Variants in NSD1 observed in about 807,000 individuals in gnomAD.
NSD1 encodes the protein histone-lysine N-methyltransferase, H3 lysine-36 specific.
Under a neutral mutation model 242.7 loss-of-function variants are expected in NSD1, and 26 were observed. The observed-to-expected ratio is 0.11, with a 90% CI of 0.08 to 0.15. The LOEUF (loss-of-function observed/expected upper bound fraction) is 0.15, where lower values mean the gene tolerates loss of function less well. Ranked by LOEUF, NSD1 falls within the 10% of genes least tolerant of loss-of-function variation. The probability of loss-of-function intolerance (pLI) is 1.00; values close to 1 mark genes in which losing one functional copy is unlikely to be tolerated. For synonymous variants in NSD1, 1,106 were observed against 1,178.1 expected (o/e 0.94, Z 1.25); for missense variants, 2,495 against 3,272.8 (o/e 0.76, Z 5.80).
rs190086827 is a variant in NSD1 at position 177,299,497 on chromosome 5, G to T, written c.*4038G>T. On this transcript the variant is annotated 3_prime_UTR_variant, in exon 23 of 23. Coordinates refer to ENST00000439151, the MANE Select transcript of NSD1 (RefSeq NM_022455.5). ...CTGGAGCAGGTTGTTAGAGAGCTCTGGTTGTTGGGTCTTCCTCAGCTCCCT... is the reference window on the plus strand; with the variant it reads ...CTGGAGCAGGTTGTTAGAGAGCTCTTGTTGTTGGGTCTTCCTCAGCTCCCT... 2.1e-5 allele frequency: 5 copies of T among 233,322 alleles called. No individual in the cohort carries two copies. The Admixed American group carries it at 2.8e-4, about 13-fold the overall frequency. The allele number at this position is 233,322 out of a possible 1,614,324, so 14.5% of individuals were successfully genotyped here. A position where few individuals can be genotyped will look rare whatever the true frequency, so the allele number is the denominator to read the frequency against.
rs1756062732 is a variant in NSD1 at position 177,133,959 on chromosome 5, A to C, written c.-18+7A>C. On this transcript the variant is annotated splice_region_variant and intron_variant, in intron 1 of 22. Transcript: ENST00000439151. This position sits in a 1 kb window ranked among gnomAD's most constrained non-coding sequence, Gnocchi z 6.2. The stretch of plus-strand genomic sequence containing the variant: ...GGAGGGGGCGCGGGGCACGGTAACT[A>C]GTGCGCTGGGGTGGGCGGCGGGCAG... 1 of 134,108 alleles carries C rather than the reference A, an allele frequency of 7.5e-6. No homozygotes were observed. Among genetic ancestry groups the C allele is most frequent in the African/African-American group, 3.0e-5 (1 of 33,432 alleles). 8.3% of individuals were successfully genotyped at this position (134,108 alleles called of 1,614,324 possible).
chr5:177,159,030 GATATAT>G (rs35942745), intron 2 of NSD1, among the ~76,000 whole-genome samples: 4 of 113,874 alleles, frequency 3.5e-5, no homozygotes, highest in East Asian at 2.1e-4. Flanking sequence ...ATATATGAAT[GATATAT>G]ATATATATAT....
At chr5:177,220,563 C>CTT (rs869220346) in intron 5 of NSD1, among the ~76,000 whole-genome samples, 903 of 84,410 alleles carry the variant, frequency 0.011, 36 homozygotes, top group East Asian at 0.042. Flanking sequence ...ATAGTAATTG[C>CTT]TTTTTTTTTT....
At chr5:177,222,113 C>T (rs1764285702) in intron 5 of NSD1, among the ~76,000 whole-genome samples, 1 of 151,766 alleles carries the variant, frequency 6.6e-6, no homozygotes, top group Non-Finnish European at 1.5e-5. Flanking sequence ...ACCCGGCCCC[C>T]ACTTTGTTTT....
At chr5:177,280,361 G>A (rs1444443261) in intron 17 of NSD1, among the ~76,000 whole-genome samples, 1 of 152,118 alleles carries the variant, frequency 6.6e-6, no homozygotes, top group East Asian at 1.9e-4. Flanking sequence ...TGCAACCTCC[G>A]CCTCCTGGGT....
chr5:177,247,503 G>A (rs1254716028), intron 10 of NSD1, among the ~76,000 whole-genome samples: 1 of 150,736 alleles, frequency 6.6e-6, no homozygotes, highest in Non-Finnish European at 1.5e-5. Context: ...GAGGTGGGAG[G>A]ATCATATGAG....
In NSD1 at chr5:177,210,379, C is replaced by T. The variant is rs140072393; in HGVS notation, c.1980C>T (p.Asn660=). 2.3e-4 allele frequency: 369 copies of T among 1,614,140 alleles called. No homozygotes were observed. Among genetic ancestry groups the T allele is most frequent in the African/African-American group, 1.4e-3 (108 of 75,046 alleles). The change falls in exon 5 of 23, where the codon AAC becomes AAT. Residue 660 remains asparagine (N), a synonymous_variant. Coordinates refer to ENST00000439151, the MANE Select transcript of NSD1 (RefSeq NM_022455.5). ...TAGAACACAGCTCAGAGTCTGATAA[C>T]AGTGTCCTTGAAATTCCAGATGCTT... ...DPIEHSSESD[N]SVLEIPDAFD...
intron 2 of NSD1, among the ~76,000 whole-genome samples, chr5:177,143,783 C>CTTTTT (rs11300578): frequency 1.7e-5 from 2 of 121,132 alleles, no homozygotes; most frequent in Non-Finnish European, 3.4e-5. Context: ...TACAAGATAA[C>CTTTTT]TTTTTTTTTT....
Position 177,296,237 on chromosome 5 carries a change from CAG to C in NSD1, c.*781_*782del. ...CGCTGCTGCTTTTGTCTGGGCTGTG[CAG>C]AGTCTCAAGATCAGTCCTTGGAGGA... On this transcript the variant is annotated 3_prime_UTR_variant, in exon 23 of 23. Coordinates refer to ENST00000439151, the MANE Select transcript of NSD1 (RefSeq NM_022455.5). The C allele has an allele frequency of 4.3e-6, 1 of 235,106 alleles. No individual in the cohort carries two copies. Among genetic ancestry groups the C allele is most frequent in the Non-Finnish European group, 8.4e-6 (1 of 119,318 alleles). 14.6% of individuals were successfully genotyped at this position (235,106 alleles called of 1,614,324 possible). A position where few individuals can be genotyped will look rare whatever the true frequency, so the allele number is the denominator to read the frequency against.
At chr5:177,267,331 G>T (rs1228819197) in intron 14 of NSD1, among the ~76,000 whole-genome samples, 2 of 152,192 alleles carry the variant, frequency 1.3e-5, no homozygotes, top group Non-Finnish European at 1.5e-5. Flanking sequence ...CAAGGAAAGT[G>T]AATTTCCCAA....
intron 3 of NSD1, among the ~76,000 whole-genome samples, chr5:177,192,688 C>G (rs936731454): frequency 6.6e-6 from 1 of 152,116 alleles, no homozygotes; most frequent in Non-Finnish European, 1.5e-5. Flanking sequence ...GAGCCCTGCA[C>G]CAGGCCTAAT....
At chr5:177,193,689 A>C (rs1422400229) in intron 3 of NSD1, among the ~76,000 whole-genome samples, 1 of 152,194 alleles carries the variant, frequency 6.6e-6, no homozygotes, top group Non-Finnish European at 1.5e-5. Context: ...ATTCAGAAAA[A>C]TCAGCTTACT....
At chr5:177,279,798 G>GTATTGTT (rs1758707296) in intron 17 of NSD1, among the ~76,000 whole-genome samples, 1 of 149,506 alleles carries the variant, frequency 6.7e-6, no homozygotes, top group Admixed American at 6.7e-5. Flanking sequence ...TTTGTATTTT[G>GTATTGTT]AGTAGAGACG....
At chr5:177,283,015 A>G (rs889546651) in intron 19 of NSD1, among the ~76,000 whole-genome samples, 1 of 152,158 alleles carries the variant, frequency 6.6e-6, no homozygotes, top group Non-Finnish European at 1.5e-5. Flanking sequence ...GTACAGTGGC[A>G]TGATCTCGGC....
chr5:177,151,724 C>G (rs1234259110), intron 2 of NSD1, among the ~76,000 whole-genome samples: 1 of 150,532 alleles, frequency 6.6e-6, no homozygotes, highest in Non-Finnish European at 1.5e-5. Flanking sequence ...CAGGGTCTCA[C>G]TCTGTTGGCT....
At chr5:177,292,475 G>A (rs960496178) in intron 22 of NSD1, among the ~76,000 whole-genome samples, 3 of 152,172 alleles carry the variant, frequency 2.0e-5, no homozygotes, top group African/African-American at 7.2e-5. Context: ...GGATTGGGGA[G>A]GTGATCTTTC....
At position 177,179,036 on chromosome 5, in the gene NSD1, G is replaced by A. The variant is rs1043801419; in HGVS notation, c.928-12848G>A. On this transcript the variant is annotated intron_variant, in intron 2 of 22. Coordinates refer to ENST00000439151, the MANE Select transcript of NSD1 (RefSeq NM_022455.5). ...GCTATTAGCCAGATAGGAAAATGAA[G>A]CGTGCCTTAGATTGTAAAGTATGAT... Among the ~76,000 whole-genome samples, 11 of 152,256 alleles carry A rather than the reference G, an allele frequency of 7.2e-5. No individual in the cohort carries two copies. The South Asian group carries it at 8.3e-4, about 11-fold the overall frequency.
chr5:177,282,898 A>G (rs973431102), intron 19 of NSD1, among the ~76,000 whole-genome samples: 1 of 152,194 alleles, frequency 6.6e-6, no homozygotes, highest in Non-Finnish European at 1.5e-5. Context: ...ATTTTATTTT[A>G]CAGTTGAGAA....
intron 2 of NSD1, among the ~76,000 whole-genome samples, chr5:177,180,011 C>T (rs1377960430): frequency 6.6e-6 from 1 of 152,080 alleles, no homozygotes; most frequent in Non-Finnish European, 1.5e-5. Context: ...AGCGATTCTC[C>T]TGCCTTAGCC....
Sources: gnomAD v4.1 joint callset for allele counts (sites outside exome capture counted in the v4.1 genomes callset) on GRCh38, gnomAD v4.1.1 for gene constraint, Gnocchi (gnomAD v3.1) non-coding constraint, MANE v1.5 for transcripts, NCBI Gene and HGNC (gene_info 2026-07-23, HGNC 2026-07-21) for gene names.